PARP14: variants seen among roughly 807,000 people sequenced by gnomAD.
The protein encoded by PARP14 is poly(ADP-ribose) polymerase family member 14, also known as protein mono-ADP-ribosyltransferase PARP14.
PARP14 carries 59 observed loss-of-function variants against 154.2 expected under a neutral mutation model. That is an observed-to-expected ratio of 0.38 (90% CI 0.31 to 0.48). The LOEUF (loss-of-function observed/expected upper bound fraction) is 0.48. Ranked by LOEUF, PARP14 falls within the 20% of genes least tolerant of loss-of-function variation. The probability of loss-of-function intolerance (pLI) is 0.98; values close to 1 mark genes in which losing one functional copy is unlikely to be tolerated. For missense variants in PARP14, 1,734 were observed against 2,131.6 expected (o/e 0.81, Z 3.67); for synonymous variants, 720 against 780.5 (o/e 0.92, Z 1.29).
chr3:122,687,326 T>C (rs1222920905), intron 3 of PARP14, among the ~76,000 whole-genome samples: 1 of 152,188 alleles, frequency 6.6e-6, no homozygotes, highest in Non-Finnish European at 1.5e-5. Context: ...GGAACTGCTC[T>C]CTCTGGGGAC....
At chr3:122,711,144 G>A (rs1450128303) in intron 9 of PARP14, among the ~76,000 whole-genome samples, 1 of 152,154 alleles carries the variant, frequency 6.6e-6, no homozygotes, top group Non-Finnish European at 1.5e-5. Context: ...AGTGGTAAAA[G>A]TGGGCATCCT....
chr3:122,687,086 A>C lies in PARP14; in HGVS notation c.328A>C (p.Lys110Gln), dbSNP rs1938396241. 2 of 1,590,332 alleles carry C rather than the reference A, an allele frequency of 1.3e-6. No individual in the cohort carries two copies. The highest frequency in any genetic ancestry group is 1.7e-6 in the Non-Finnish European group (2 of 1,164,462). The change falls in exon 3 of 17, where the codon AAG (lysine) becomes CAG (glutamine). Residue 110 changes from lysine to glutamine, a missense_variant. Around this residue, in one of 2 missense-constraint regions of PARP14, gnomAD observed 1,646 missense variants for 1,976.0 expected, o/e 0.83. Transcript: ENST00000474629. Reference protein sequence around the residue: ...FEEELLTKESKTKEDVKEPDV... With the variant: ...FEEELLTKESQTKEDVKEPDV... ...TTTATTGTTTGTGTTTCAGGAATCC[A>C]AGACCAAAGAAGATGTTAAAGAACC...
At chr3:122,683,038 A>G (rs776820482) in intron 1 of PARP14, among the ~76,000 whole-genome samples, 1 of 152,176 alleles carries the variant, frequency 6.6e-6, no homozygotes, top group Non-Finnish European at 1.5e-5. Context: ...CTGGCAACAG[A>G]GCAAGACTCC....
chr3:122,727,263 C>T (rs967462376), intron 15 of PARP14, among the ~76,000 whole-genome samples: 1 of 152,186 alleles, frequency 6.6e-6, no homozygotes, highest in Non-Finnish European at 1.5e-5. Flanking sequence ...GAGGCCACTG[C>T]CTAAAGAGTA....
chr3:122,724,934 A>G (rs1295863138), intron 15 of PARP14, among the ~76,000 whole-genome samples: 3 of 152,214 alleles, frequency 2.0e-5, no homozygotes, highest in Non-Finnish European at 4.4e-5. Context: ...CTGAGTTGAC[A>G]CAGCACATGT....
chr3:122,689,606 G>C (rs111570057), intron 3 of PARP14, among the ~76,000 whole-genome samples: 9,117 of 152,226 alleles, frequency 0.06, 318 homozygotes, highest in Middle Eastern at 0.088. Flanking sequence ...ACTGCACCCA[G>C]CCTCATTTTC....
At position 122,700,517 on chromosome 3, in the gene PARP14, A is replaced by T. The variant is rs1938928221; in HGVS notation, c.1963A>T (p.Asn655Tyr). 9 of 1,605,154 alleles carry T rather than the reference A, an allele frequency of 5.6e-6. No individual in the cohort carries two copies. The highest frequency in any genetic ancestry group is 7.7e-6 in the Non-Finnish European group (9 of 1,175,106). ...CATTACAGGCTGTGTAAAAGAAGTA[A>T]ATGAAACCTATAAATTGCTTTTTAA... ...VIITGCVKEVNETYKLLFNFV... is the reference protein window; with the variant it reads ...VIITGCVKEVYETYKLLFNFV... Residue 655 changes from asparagine to tyrosine, a missense_variant, in exon 6 of 17, where the codon AAT (asparagine) becomes TAT (tyrosine). By Grantham distance (143) the Asn-to-Tyr change is moderately radical (BLOSUM62 -2). Transcript: ENST00000474629.
rs74661897 is a variant in PARP14 at position 122,705,622 on chromosome 3, A to G, written c.3540+874A>G. Among the ~76,000 whole-genome samples, 914 of 152,338 alleles carry G rather than the reference A, an allele frequency of 6.0e-3. 8 individuals are homozygous for G. Among genetic ancestry groups the G allele is most frequent in the African/African-American group, 0.021 (858 of 41,566 alleles). On this transcript the variant is annotated intron_variant, in intron 8 of 16. Transcript: ENST00000474629. ...CTGCACTCCGAGTCTTTACTTAATCAAATAAAGTAGATGACATTCAGTGTT... is the reference window on the plus strand; with the variant it reads ...CTGCACTCCGAGTCTTTACTTAATCGAATAAAGTAGATGACATTCAGTGTT...
intron 8 of PARP14, among the ~76,000 whole-genome samples, 192 bp downstream of exon 8, chr3:122,704,940 C>T (rs891649768): frequency 1.3e-5 from 2 of 152,216 alleles, no homozygotes; most frequent in African/African-American, 4.8e-5. Context: ...AAAAATTTAA[C>T]TTCCTATTCA....
At chr3:122,688,648 A>G (rs187589841) in intron 3 of PARP14, among the ~76,000 whole-genome samples, 19 of 152,314 alleles carry the variant, frequency 1.2e-4, no homozygotes, top group African/African-American at 4.3e-4. Context: ...CTTGAAATTA[A>G]TTGGAATGGG....
intron 15 of PARP14, among the ~76,000 whole-genome samples, chr3:122,727,090 AG>A (rs1437786815): frequency 6.6e-6 from 1 of 151,680 alleles, no homozygotes; most frequent in Admixed American, 6.6e-5. Context: ...CATGGACAAC[AG>A]GGAACCTTTA....
chr3:122,716,000 C>G (rs1395554589), intron 12 of PARP14, among the ~76,000 whole-genome samples: 1 of 152,182 alleles, frequency 6.6e-6, no homozygotes, highest in East Asian at 1.9e-4. Context: ...ACAAATAAAT[C>G]AGGGTTAGTG....
intron 8 of PARP14, among the ~76,000 whole-genome samples, chr3:122,707,815 A>T (rs1459839900): frequency 6.6e-6 from 1 of 152,178 alleles, no homozygotes; most frequent in Admixed American, 6.6e-5. Context: ...GACCTCATTT[A>T]AAAAATTCTT....
chr3:122,699,568 T>C lies in PARP14; in HGVS notation c.1014T>C (p.Asn338=). Residue 338 remains asparagine (N), a synonymous_variant, in exon 6 of 17, where the codon AAT becomes AAC. Coordinates refer to ENST00000474629, the MANE Select transcript of PARP14 (RefSeq NM_017554.3). ...LPLWKFLQKK[N]HLIEEINDEM... ...TATGGAAGTTCTTACAGAAAAAGAA[T>C]CACCTCATTGAGGAGATAAACGATG... The C allele has an allele frequency of 6.2e-7, 1 of 1,613,954 alleles. No individual in the cohort carries two copies.
intron 5 of PARP14, among the ~76,000 whole-genome samples, chr3:122,698,506 G>A (rs1285850452): frequency 3.3e-5 from 5 of 152,216 alleles, no homozygotes; most frequent in African/African-American, 1.2e-4. Flanking sequence ...TGGGCTCTCA[G>A]AGGACAGTGA....
At chr3:122,725,470 T>C (rs1933266270) in intron 15 of PARP14, among the ~76,000 whole-genome samples, 1 of 152,248 alleles carries the variant, frequency 6.6e-6, no homozygotes, top group Admixed American at 6.5e-5. Flanking sequence ...TGTCATTTTG[T>C]GTACAAAATG....
chr3:122,699,539 C>T lies in PARP14; in HGVS notation c.985C>T (p.Pro329Ser), dbSNP rs1244994998. Residue 329 changes from proline (P) to serine (S), a missense_variant, in exon 6 of 17, where the codon CCC (proline) becomes TCC (serine). Around this residue, in one of 2 missense-constraint regions of PARP14, gnomAD observed 1,646 missense variants for 1,976.0 expected, o/e 0.83. Transcript: ENST00000474629. ...ACCATTTGAAGAGTCACTAGATCTTCCCTTATGGAAGTTCTTACAGAAAAA... is the reference window on the plus strand; with the variant it reads ...ACCATTTGAAGAGTCACTAGATCTTTCCTTATGGAAGTTCTTACAGAAAAA... ...PAPFEESLDL[P>S]LWKFLQKKNH... 6.2e-7 allele frequency: 1 copy of T among 1,613,986 alleles called. No homozygotes were observed. Among genetic ancestry groups the T allele is most frequent in the Non-Finnish European group, 8.5e-7 (1 of 1,179,872 alleles).
At chr3:122,686,078 T>C (rs1164004761) in intron 2 of PARP14, among the ~76,000 whole-genome samples, 2 of 152,256 alleles carry the variant, frequency 1.3e-5, no homozygotes, top group East Asian at 1.9e-4. Context: ...TTGAACAAGA[T>C]GATCTGTATA....
intron 6 of PARP14, 124 bp from the exon 7 acceptor site, chr3:122,703,618 A>G: frequency 1.6e-6 from 1 of 612,074 alleles, no homozygotes; most frequent in South Asian, 2.1e-5. Flanking sequence ...TGATATTTCA[A>G]TCACTGAAAC....
Sources: gnomAD v4.1 joint callset for allele counts (sites outside exome capture counted in the v4.1 genomes callset) on GRCh38, gnomAD v4.1.1 for gene constraint, gnomAD v4.1.1 regional missense constraint, MANE v1.5 for transcripts, NCBI Gene and HGNC (gene_info 2026-07-23, HGNC 2026-07-21) for gene names.